Variants in MTCL1 observed in about 807,000 individuals in gnomAD.
MTCL1 encodes the protein microtubule cross-linking factor 1.
Under a neutral mutation model 141.4 loss-of-function variants are expected in MTCL1, and 79 were observed. The observed-to-expected ratio is 0.56, with a 90% confidence interval of 0.47 to 0.67. The LOEUF is 0.67. MTCL1 is among the 30% of genes least tolerant of loss of function. MTCL1 has a pLI of 0.00. For synonymous variants in MTCL1, 914 were observed against 875.8 expected, an observed-to-expected ratio of 1.04 and a Z score of -0.77; for missense variants, 2,177 against 2,113.9, an observed-to-expected ratio of 1.03 and a Z score of -0.59.
chr18:8,786,389 C>G (rs926798517), intron 7 of MTCL1: 2 of 619,220 alleles, frequency 3.2e-6, no homozygotes, highest in East Asian at 6.7e-5. Flanking sequence ...TTGGTGAGTG[C>G]GCAGTGGCTT....
At chr18:8,728,043 G>A (rs1032163547) in intron 4 of MTCL1, among the ~76,000 whole-genome samples, 11 of 152,088 alleles carry the variant, frequency 7.2e-5, no homozygotes, top group Non-Finnish European at 1.5e-4. Flanking sequence ...CTAATCATTA[G>A]CTGTATTCTC....
chr18:8,733,685 C>T (rs1159411790), intron 4 of MTCL1, among the ~76,000 whole-genome samples: 4 of 152,136 alleles, frequency 2.6e-5, no homozygotes, highest in African/African-American at 9.7e-5. Context: ...GGATTACAGG[C>T]GTGAGCCACT....
chr18:8,756,521 ATATATGTGTGTG>A (rs1283024605), intron 4 of MTCL1, among the ~76,000 whole-genome samples: 1 of 150,504 alleles, frequency 6.6e-6, no homozygotes, highest in African/African-American at 2.5e-5. Context: ...ATATGTGTGT[ATATATGTGTGTG>A]TATATATGTG....
chr18:8,783,391 T>C, intron 5 of MTCL1, 139 bp from the exon 5 acceptor site: 1 of 830,214 alleles, frequency 1.2e-6, no homozygotes, highest in Non-Finnish European at 1.8e-6. Flanking sequence ...TGTTTCTCTA[T>C]GTAACTCAGC....
intron 14 of MTCL1, 99 bp from the exon 14 acceptor site, chr18:8,824,600 G>A (rs1391598409): frequency 4.1e-6 from 4 of 981,684 alleles, no homozygotes; most frequent in East Asian, 2.6e-5. Flanking sequence ...GGCAGCGGGT[G>A]CCTTCACTGA....
intron 7 of MTCL1, among the ~76,000 whole-genome samples, chr18:8,790,049 G>A (rs2075665708): frequency 6.6e-6 from 1 of 152,192 alleles, no homozygotes; most frequent in African/African-American, 2.4e-5. Flanking sequence ...ATCTAAACCT[G>A]TCTGCTGTTG....
intron 4 of MTCL1, among the ~76,000 whole-genome samples, chr18:8,776,272 C>A (rs554182752): frequency 7.2e-5 from 11 of 152,310 alleles, no homozygotes; most frequent in Admixed American, 5.2e-4. Flanking sequence ...CCACCTGCTT[C>A]CTTCTAGCTT....
At chr18:8,734,806 T>C (rs977879544) in intron 4 of MTCL1, among the ~76,000 whole-genome samples, 2 of 152,194 alleles carry the variant, frequency 1.3e-5, no homozygotes, top group African/African-American at 4.8e-5. Flanking sequence ...AGCTACACCC[T>C]GGCCCCTACA....
chr18:8,811,448 A>G (rs2076481703), intron 11 of MTCL1, among the ~76,000 whole-genome samples: 1 of 152,216 alleles, frequency 6.6e-6, no homozygotes, highest in Non-Finnish European at 1.5e-5. Context: ...GGGGACAAAC[A>G]TCCAAACTAC....
At chr18:8,706,468 C>T in exon 1 of MTCL1, 1 of 1,260,798 alleles carries the variant, frequency 7.9e-7, no homozygotes, top group Admixed American at 4.2e-5. Flanking sequence ...CCCAGCGCTC[C>T]TCGCCGCGCC....
rs772478874 is a variant in MTCL1 at position 8,798,308 on chromosome 18, G to A, written c.2436+17G>A. 1.4e-5 allele frequency: 21 copies of A among 1,491,580 alleles called. No individual in the cohort carries two copies. The highest frequency in any genetic ancestry group is 2.9e-5 in the African/African-American group (2 of 69,206). 92.4% of individuals were successfully genotyped at this position (1,491,580 alleles called of 1,614,324 possible). ...CACAAACAGGTGGGTACCTCGACCC[G>A]AGCCTGTCGCCCTGCCCACACCAGG... On this transcript the variant is annotated intron_variant, in intron 10 of 16. Coordinates refer to ENST00000359865, the Ensembl canonical transcript of MTCL1.
Position 8,828,957 on chromosome 18 carries a change from C to T in MTCL1, c.*11C>T. The T allele has an allele frequency of 3.1e-6, 5 of 1,614,252 alleles. No homozygotes were observed. The highest frequency in any genetic ancestry group is 4.2e-6 in the Non-Finnish European group (5 of 1,180,044). On this transcript the variant is annotated 3_prime_UTR_variant, in exon 16 of 17. Coordinates refer to ENST00000359865, the Ensembl canonical transcript of MTCL1. This position sits in a 1 kb window ranked among gnomAD's most constrained non-coding sequence, Gnocchi z 5.2. ...CCCTGGGGACTCTAGCCCTGCCCGC[C>T]TCACGCTGTAAGTGCTTCCTTCCTT...
At chr18:8,745,282 T>G (rs1193555540) in intron 4 of MTCL1, among the ~76,000 whole-genome samples, 1 of 152,232 alleles carries the variant, frequency 6.6e-6, no homozygotes, top group East Asian at 1.9e-4. Context: ...ATTAATGGTG[T>G]TAATTTTTTT....
intron 4 of MTCL1, among the ~76,000 whole-genome samples, chr18:8,769,264 A>G (rs1456793445): frequency 6.6e-6 from 1 of 152,172 alleles, no homozygotes; most frequent in East Asian, 1.9e-4. Flanking sequence ...TGGTATTGCT[A>G]AGTGCCAGCA....
chr18:8,760,636 T>A (rs2096427310), intron 4 of MTCL1, among the ~76,000 whole-genome samples: 1 of 152,226 alleles, frequency 6.6e-6, no homozygotes, highest in Admixed American at 6.5e-5. Flanking sequence ...TTACCTCCAT[T>A]ATTTCCAACT....
chr18:8,781,229 C>T (rs2096531736), intron 5 of MTCL1, among the ~76,000 whole-genome samples: 1 of 146,236 alleles, frequency 6.8e-6, no homozygotes, highest in Non-Finnish European at 1.5e-5. Flanking sequence ...GATAAACGAG[C>T]ATGCTTTTCC....
At chr18:8,817,367 C>T (rs879770668) in intron 12 of MTCL1, among the ~76,000 whole-genome samples, 1 of 143,290 alleles carries the variant, frequency 7.0e-6, no homozygotes, top group African/African-American at 2.6e-5. Context: ...AAAGCTAAAA[C>T]GTAGAGTTTT....
intron 11 of MTCL1, among the ~76,000 whole-genome samples, chr18:8,811,885 G>A (rs2076500469): frequency 6.6e-6 from 1 of 152,200 alleles, no homozygotes; most frequent in African/African-American, 2.4e-5. Context: ...ATAAAAACGA[G>A]ACACTGAACA....
At position 8,786,110 on chromosome 18, in the gene MTCL1, T is replaced by TCCCCAC; in HGVS notation, c.1887+23_1887+24insACCCCC. 1.5e-6 allele frequency: 2 copies of TCCCCAC among 1,310,348 alleles called. No individual in the cohort carries two copies. The highest frequency in any genetic ancestry group is 2.0e-6 in the Non-Finnish European group (2 of 990,148). 81.2% of individuals were successfully genotyped at this position (1,310,348 alleles called of 1,614,324 possible). On this transcript the variant is annotated intron_variant, in intron 7 of 16. Coordinates refer to ENST00000359865, the Ensembl canonical transcript of MTCL1. ...CCTGGAGGTCAGCGTGGGCAAGCAATCCCCCCCCCCCGCCCTCCCCCTCCT... is the reference window on the plus strand; with the variant it reads ...CCTGGAGGTCAGCGTGGGCAAGCAATCCCCACCCCCCCCCCCCGCCCTCCCCCTCCT...
Sources: gnomAD v4.1 joint callset for allele counts (sites outside exome capture counted in the v4.1 genomes callset) on GRCh38, gnomAD v4.1.1 for gene constraint, Gnocchi (gnomAD v3.1) non-coding constraint, MANE v1.5 for transcripts, NCBI Gene and HGNC (gene_info 2026-07-23, HGNC 2026-07-21) for gene names.